The following ESRRB variants were observed in gnomAD, a reference collection of about 807,000 sequenced individuals.
ESRRB encodes the protein steroid hormone receptor ERR2.
ESRRB carries 16 observed loss-of-function variants against 46.0 expected under a neutral mutation model. The ratio of observed to expected loss-of-function variants is 0.35; its 90% CI spans 0.24 to 0.53. The LOEUF (loss-of-function observed/expected upper bound fraction) is 0.53. Ranked by LOEUF, ESRRB falls within the 20% of genes least tolerant of loss-of-function variation. The pLI is 0.93. For missense variants in ESRRB, 488 were observed against 607.4 expected, an observed-to-expected ratio of 0.80 and a Z score of 2.07; for synonymous variants, 246 against 259.6, an observed-to-expected ratio of 0.95 and a Z score of 0.50.
rs996759930 is a variant in ESRRB at position 76,488,248 on chromosome 14, G to A, written c.851-3199G>A. ...AAGAAGGCTGTATCACCAATTCAGC[G>A]CCTTGGAGTATACCTTTGGATTATC... On this transcript the variant is annotated intron_variant, in intron 5 of 6. Coordinates refer to ENST00000644823, the MANE Select transcript of ESRRB (RefSeq NM_001379180.1). Among the ~76,000 whole-genome samples the A allele has an allele frequency of 7.2e-5, 11 of 152,268 alleles. No individual in the cohort carries two copies. In the East Asian group the frequency reaches 9.6e-4, roughly 13 times the overall value.
intron 1 of ESRRB, among the ~76,000 whole-genome samples, chr14:76,400,584 C>A (rs185631632): frequency 3.7e-4 from 57 of 152,248 alleles, no homozygotes; most frequent in Non-Finnish European, 4.4e-5. Context: ...TGACAAATAG[C>A]GTCAACTTTG....
At chr14:76,425,328 G>A (rs562619848) in intron 1 of ESRRB, among the ~76,000 whole-genome samples, 60 of 152,312 alleles carry the variant, frequency 3.9e-4, no homozygotes, top group African/African-American at 1.4e-3. Flanking sequence ...TGAGCAAGAT[G>A]TAAATATTTG....
At position 76,500,860 on chromosome 14, in the gene ESRRB, T is replaced by G. The variant is rs1298581330; in HGVS notation, c.*2402T>G. 1 of 870,142 alleles carries G rather than the reference T, an allele frequency of 1.1e-6. No individual in the cohort carries two copies. Among genetic ancestry groups the G allele is most frequent in the African/African-American group, 1.6e-5 (1 of 60,826 alleles). The allele number at this position is 870,142 out of a possible 1,614,324, so 53.9% of individuals were successfully genotyped here. On this transcript the variant is annotated 3_prime_UTR_variant, in exon 7 of 7. Transcript: ENST00000644823. ...GTCCTGATGGTTGGTGTCCATGAGGTGGAAGCTGCTTTTATACTTAAAACT... is the reference window on the plus strand; with the variant it reads ...GTCCTGATGGTTGGTGTCCATGAGGGGGAAGCTGCTTTTATACTTAAAACT...
chr14:76,391,197 G>T (rs1014884186), intron 1 of ESRRB, among the ~76,000 whole-genome samples: 3 of 152,216 alleles, frequency 2.0e-5, no homozygotes, highest in African/African-American at 7.2e-5. Flanking sequence ...CAGCCTCCAG[G>T]ACAGCAGAGG....
chr14:76,411,270 A>G (rs1192721295), intron 1 of ESRRB, among the ~76,000 whole-genome samples: 2 of 151,890 alleles, frequency 1.3e-5, no homozygotes, highest in African/African-American at 4.8e-5. Flanking sequence ...CAACATGGTG[A>G]AACCCCATCT....
intron 1 of ESRRB, among the ~76,000 whole-genome samples, chr14:76,318,765 T>G (rs1883831979): frequency 6.6e-6 from 1 of 152,194 alleles, no homozygotes; most frequent in Non-Finnish European, 1.5e-5. Context: ...TTATCATCAT[T>G]TTGCAGGGCC....
intron 1 of ESRRB, among the ~76,000 whole-genome samples, chr14:76,336,712 G>A (rs1470461513): frequency 6.6e-6 from 1 of 152,152 alleles, no homozygotes; most frequent in African/African-American, 2.4e-5. Context: ...GTTCCCTGGG[G>A]GCATCTGCCT....
chr14:76,361,656 T>C (rs780955874), intron 1 of ESRRB, among the ~76,000 whole-genome samples: 5 of 152,174 alleles, frequency 3.3e-5, no homozygotes, highest in African/African-American at 4.8e-5. Context: ...CAGTGGGGTG[T>C]TCTTTTGAAC....
At chr14:76,351,377 G>A (rs1261132847) in intron 1 of ESRRB, among the ~76,000 whole-genome samples, 1 of 101,620 alleles carries the variant, frequency 9.8e-6, no homozygotes, top group South Asian at 2.8e-4. Context: ...CTCACTTATG[G>A]TGGTTGCTGG....
chr14:76,314,743 AT>A (rs1359529658), intron 1 of ESRRB, among the ~76,000 whole-genome samples: 3 of 151,994 alleles, frequency 2.0e-5, no homozygotes, highest in African/African-American at 7.3e-5. Flanking sequence ...AGGTCGAGCA[AT>A]GTCAAGGCCA....
At chr14:76,478,663 C>T (rs1015927264) in intron 3 of ESRRB, among the ~76,000 whole-genome samples, 2 of 152,094 alleles carry the variant, frequency 1.3e-5, no homozygotes, top group South Asian at 4.2e-4. Context: ...ATGAGGTGGA[C>T]CGTTTTCACT....
chr14:76,461,686 T>C (rs959590045), intron 2 of ESRRB, among the ~76,000 whole-genome samples: 4 of 152,152 alleles, frequency 2.6e-5, no homozygotes, highest in Non-Finnish European at 4.4e-5. Flanking sequence ...TTTTTTTGTA[T>C]TTTTAGTAGA....
chr14:76,433,341 C>T (rs1887534476), intron 1 of ESRRB, among the ~76,000 whole-genome samples: 1 of 152,208 alleles, frequency 6.6e-6, no homozygotes, highest in South Asian at 2.1e-4. Flanking sequence ...GATTCATGAT[C>T]TACTTCAGGG....
At chr14:76,390,569 A>G (rs1885426409) in intron 1 of ESRRB, among the ~76,000 whole-genome samples, 1 of 152,168 alleles carries the variant, frequency 6.6e-6, no homozygotes, top group Non-Finnish European at 1.5e-5. Context: ...GGTGCTCAAT[A>G]AATATTAGTT....
rs1333434855 is a variant in ESRRB, at chr14:76,322,717, T to C, written c.2+11801T>C. 2.6e-5 allele frequency among the ~76,000 whole-genome samples: 4 copies of C among 152,184 alleles called. No homozygotes were observed. The East Asian group carries it at 7.7e-4, about 29-fold the overall frequency. ...TCCCAAGCTTACTCCACTGCCAGGC[T>C]TTCTCATTGAGGGAGTGAGACGTGG... On this transcript the variant is annotated intron_variant, in intron 1 of 6. Transcript: ENST00000512784.
intron 1 of ESRRB, among the ~76,000 whole-genome samples, chr14:76,331,543 C>G (rs886249978): frequency 3.9e-5 from 6 of 152,126 alleles, no homozygotes; most frequent in Admixed American, 6.5e-5. Context: ...TCACTTCCTT[C>G]CTTTACCCAT....
At chr14:76,384,040 A>G (rs1475626453) in intron 1 of ESRRB, among the ~76,000 whole-genome samples, 1 of 152,134 alleles carries the variant, frequency 6.6e-6, no homozygotes, top group Non-Finnish European at 1.5e-5. Flanking sequence ...GATCTTGGTG[A>G]TGCACAGTAA....
chr14:76,459,969 T>C (rs1199044061), intron 2 of ESRRB, among the ~76,000 whole-genome samples: 1 of 145,578 alleles, frequency 6.9e-6, no homozygotes, highest in African/African-American at 2.8e-5. Flanking sequence ...CCTGTAGATC[T>C]CTGAGGTGCT....
chr14:76,453,569 G>A (rs1381432979), intron 2 of ESRRB, among the ~76,000 whole-genome samples: 6 of 151,628 alleles, frequency 4.0e-5, no homozygotes, highest in Admixed American at 6.6e-5. Context: ...AGAAGGCTAC[G>A]GGATCAAATC....
Sources: gnomAD v4.1 joint callset for allele counts (sites outside exome capture counted in the v4.1 genomes callset) on GRCh38, gnomAD v4.1.1 for gene constraint, MANE v1.5 for transcripts, NCBI Gene and HGNC (gene_info 2026-07-23, HGNC 2026-07-21) for gene names.